The following CNBD1 variants were observed in gnomAD, a reference collection of about 807,000 sequenced individuals.
CNBD1 encodes the protein cyclic nucleotide-binding domain-containing protein 1.
CNBD1 carries 71 observed loss-of-function variants against 54.4 expected under a neutral mutation model. The observed-to-expected ratio is 1.30, with a 90% CI of 1.08 to 1.59. CNBD1 has a LOEUF of 1.59. Ranked by LOEUF, CNBD1 falls within the 40% of genes most tolerant of loss-of-function variation. CNBD1 has a pLI of 0.00. For synonymous variants in CNBD1, 182 were observed against 170.7 expected (o/e 1.07, Z -0.51); for missense variants, 659 against 518.0 (o/e 1.27, Z -2.64).
At chr8:87,295,403 G>C (rs1189749860) in intron 8 of CNBD1, among the ~76,000 whole-genome samples, 1 of 151,474 alleles carries the variant, frequency 6.6e-6, no homozygotes, top group Non-Finnish European at 1.5e-5. Flanking sequence ...GTTATGTAAA[G>C]TTAAAGTACT....
At chr8:87,354,131 C>A (rs1211247366) in intron 10 of CNBD1, among the ~76,000 whole-genome samples, 8 of 152,142 alleles carry the variant, frequency 5.3e-5, no homozygotes, top group Admixed American at 1.3e-4. Flanking sequence ...ACCAGCCCTG[C>A]TCTGTGTCCT....
intron 2 of CNBD1, among the ~76,000 whole-genome samples, chr8:87,419,735 A>G (rs1807896161): frequency 6.6e-6 from 1 of 151,824 alleles, no homozygotes; most frequent in South Asian, 2.1e-4. Context: ...AGTTTAAAAT[A>G]TTCCCACAAA....
At chr8:86,908,262 C>T (rs1021022267) in intron 3 of CNBD1, among the ~76,000 whole-genome samples, 1 of 152,124 alleles carries the variant, frequency 6.6e-6, no homozygotes, top group African/African-American at 2.4e-5. Flanking sequence ...TTGCTTGGGA[C>T]TTTGATCATT....
chr8:86,934,408 T>C (rs1270443744), intron 3 of CNBD1, among the ~76,000 whole-genome samples: 1 of 152,174 alleles, frequency 6.6e-6, no homozygotes, highest in African/African-American at 2.4e-5. Flanking sequence ...TGGATTCTTT[T>C]GGATATTCCA....
intron 2 of CNBD1, among the ~76,000 whole-genome samples, chr8:86,904,342 G>T (rs1266984863): frequency 6.6e-6 from 1 of 151,982 alleles, no homozygotes; most frequent in African/African-American, 2.4e-5. Flanking sequence ...TTTTCATGGT[G>T]TTGTCAATTG....
chr8:86,902,744 G>A (rs1039238718), intron 2 of CNBD1, among the ~76,000 whole-genome samples: 15 of 151,778 alleles, frequency 9.9e-5, no homozygotes, highest in African/African-American at 3.4e-4. Context: ...GGTAAATCAC[G>A]AAAAACATCT....
chr8:86,895,742 T>C (rs764847280), intron 2 of CNBD1, among the ~76,000 whole-genome samples: 18 of 152,218 alleles, frequency 1.2e-4, no homozygotes, highest in Non-Finnish European at 2.4e-4. Flanking sequence ...CCTGTATGTC[T>C]TCTTGGATGA....
At chr8:87,415,123 C>T (rs966153866) in intron 2 of CNBD1, among the ~76,000 whole-genome samples, 1 of 152,038 alleles carries the variant, frequency 6.6e-6, no homozygotes, top group Non-Finnish European at 1.5e-5. Context: ...CCCAAAGGTG[C>T]TTTACCACAT....
chr8:87,259,508 T>A (rs1365620237), intron 6 of CNBD1, among the ~76,000 whole-genome samples: 1 of 152,222 alleles, frequency 6.6e-6, no homozygotes, highest in Non-Finnish European at 1.5e-5. Context: ...GTTACTAAAG[T>A]TACAACTAAA....
chr8:86,911,752 A>C (rs1387871262), intron 3 of CNBD1, among the ~76,000 whole-genome samples: 1 of 152,180 alleles, frequency 6.6e-6, no homozygotes, highest in Non-Finnish European at 1.5e-5. Flanking sequence ...AAATGATAAA[A>C]TAATTCAATA....
chr8:87,002,705 A>C (rs1218985305), intron 4 of CNBD1, among the ~76,000 whole-genome samples: 1 of 151,504 alleles, frequency 6.6e-6, no homozygotes, highest in Non-Finnish European at 1.5e-5. Context: ...CTGTTCTCCC[A>C]ACTCTGCCTT....
intron 2 of CNBD1, among the ~76,000 whole-genome samples, chr8:87,423,884 T>C (rs977943242): frequency 1.3e-5 from 2 of 152,202 alleles, no homozygotes; most frequent in African/African-American, 4.8e-5. Context: ...TGGTAGAATT[T>C]GGCTGTGAAG....
chr8:87,190,887 G>GATATAGGTACATGTACT, intron 4 of CNBD1, among the ~76,000 whole-genome samples: 1 of 124,904 alleles, frequency 8.0e-6, no homozygotes, highest in Non-Finnish European at 1.7e-5. Flanking sequence ...ATACATGTAC[G>GATATAGGTACATGTACT]TATATCTATT....
At chr8:87,173,891 C>T (rs1434698797) in intron 4 of CNBD1, among the ~76,000 whole-genome samples, 1 of 151,766 alleles carries the variant, frequency 6.6e-6, no homozygotes, top group Non-Finnish European at 1.5e-5. Flanking sequence ...GCCAATAACT[C>T]TTAGATTTGC....
At chr8:87,241,195 A>G (rs1206301517) in intron 6 of CNBD1, among the ~76,000 whole-genome samples, 1 of 151,902 alleles carries the variant, frequency 6.6e-6, no homozygotes, top group Non-Finnish European at 1.5e-5. Context: ...CTCATTTGAG[A>G]CAGTAGTTGA....
intron 8 of CNBD1, among the ~76,000 whole-genome samples, chr8:87,334,318 A>G (rs1469178628): frequency 5.3e-5 from 8 of 151,752 alleles, no homozygotes; most frequent in Admixed American, 2.0e-4. Flanking sequence ...AATTTTTTCA[A>G]AAAAAACAGC....
At chr8:86,972,232 G>A (rs1280190439) in intron 4 of CNBD1, among the ~76,000 whole-genome samples, 2 of 152,134 alleles carry the variant, frequency 1.3e-5, no homozygotes, top group African/African-American at 2.4e-5. Flanking sequence ...TTACAGGCTT[G>A]AGCCACCGTG....
chr8:87,386,002 A>C (rs1297746096), downstream of CNBD1, among the ~76,000 whole-genome samples: 11 of 152,140 alleles, frequency 7.2e-5, no homozygotes, highest in Admixed American at 7.2e-4. Context: ...TACCCAGGCA[A>C]ACATAGTCTG....
intron 8 of CNBD1, among the ~76,000 whole-genome samples, chr8:87,287,086 T>A (rs1188650172): frequency 3.3e-5 from 5 of 152,188 alleles, no homozygotes; most frequent in Non-Finnish European, 7.3e-5. Context: ...TAATCTGTAC[T>A]TGTGCTACAT....
Sources: allele counts gnomAD v4.1 joint callset (sites outside exome capture counted in the v4.1 genomes callset), GRCh38; gene constraint gnomAD v4.1.1; transcripts MANE v1.5; gene names NCBI Gene and HGNC (gene_info 2026-07-23, HGNC 2026-07-21).